The following SCIN variants were observed in gnomAD, a reference collection of about 807,000 sequenced individuals.
SCIN encodes the protein adseverin.
Under a neutral mutation model 91.8 loss-of-function variants are expected in SCIN, and 91 were observed. That is an observed-to-expected ratio of 0.99 (90% CI 0.84 to 1.18). The LOEUF (loss-of-function observed/expected upper bound fraction) is 1.18, where lower values mean the gene tolerates loss of function less well. Ranked by LOEUF, SCIN falls within the 50% of genes most tolerant of loss-of-function variation. The pLI is 0.00. For synonymous variants in SCIN, 367 were observed against 312.6 expected (o/e 1.17, Z -1.84); for missense variants, 1,087 against 863.9 (o/e 1.26, Z -3.24).
chr7:12,601,689 C>A (rs1267230198), intron 3 of SCIN, among the ~76,000 whole-genome samples: 1 of 152,154 alleles, frequency 6.6e-6, no homozygotes, highest in African/African-American at 2.4e-5. Context: ...ATACAGTAAA[C>A]ATTGAAGGCT....
At chr7:12,591,181 G>T (rs1204963338) in intron 3 of SCIN, among the ~76,000 whole-genome samples, 1 of 152,102 alleles carries the variant, frequency 6.6e-6, no homozygotes, top group African/African-American at 2.4e-5. Context: ...AAGAGGATAC[G>T]GGGAGTAAGG....
intron 2 of SCIN, among the ~76,000 whole-genome samples, chr7:12,579,872 C>T (rs1218401660): frequency 2.6e-5 from 4 of 152,144 alleles, no homozygotes; most frequent in Admixed American, 2.0e-4. Flanking sequence ...CGAGGTCATG[C>T]CATTGCTCTC....
intron 3 of SCIN, among the ~76,000 whole-genome samples, chr7:12,597,425 C>A (rs771721211): frequency 9.9e-5 from 15 of 152,162 alleles, no homozygotes; most frequent in Non-Finnish European, 1.5e-4. Flanking sequence ...AGAAAAGGAC[C>A]AAAGAGCAGC....
chr7:12,649,668 C>T (rs1372913139), intron 14 of SCIN, 124 bp downstream of exon 14: 3 of 447,400 alleles, frequency 6.7e-6, no homozygotes, highest in Non-Finnish European at 1.2e-5. Flanking sequence ...ATTTAAAAAA[C>T]ACACACACAC....
chr7:12,586,268 G>T lies in SCIN; in HGVS notation c.516+5047G>T, dbSNP rs189379669. Reference sequence around the variant, plus strand: ...TCTCAAGCTCCTATTTCCCCAGAAGGTTTAAAAATAATTTTGATTTATTGA... The same window carrying T: ...TCTCAAGCTCCTATTTCCCCAGAAGTTTTAAAAATAATTTTGATTTATTGA... On this transcript the variant is annotated intron_variant, in intron 3 of 15. Coordinates refer to ENST00000297029, the MANE Select transcript of SCIN (RefSeq NM_001112706.3). Among the ~76,000 whole-genome samples, 130 of 152,210 alleles carry T rather than the reference G, an allele frequency of 8.5e-4. 4 individuals are homozygous for T. Among genetic ancestry groups the T allele is most frequent in the Middle Eastern group, 3.4e-3 (1 of 294 alleles).
intron 1 of SCIN, among the ~76,000 whole-genome samples, chr7:12,576,446 TCTGATTCTTTCTTTAATACAA>T (rs1159164028): frequency 6.6e-6 from 1 of 151,538 alleles, no homozygotes; most frequent in African/African-American, 2.4e-5. Context: ...TGTAAGGAAA[TCTGATTCTTTCTTTAATACAA>T]CTGACTGATT....
chr7:12,581,872 A>G (rs1583275603), intron 3 of SCIN, among the ~76,000 whole-genome samples: 1 of 152,330 alleles, frequency 6.6e-6, no homozygotes, highest in Admixed American at 6.5e-5. Flanking sequence ...AGAAGGTAGA[A>G]TATAAGTTGT....
chr7:12,595,603 G>A lies in SCIN; in HGVS notation c.517-8911G>A, dbSNP rs554826202. ...GCAATGGTTGAGGGGAGAGGAGCAGGCACTAGGAAAGACAACTCTTAAGAT... is the reference window on the plus strand; with the variant it reads ...GCAATGGTTGAGGGGAGAGGAGCAGACACTAGGAAAGACAACTCTTAAGAT... On this transcript the variant is annotated intron_variant, in intron 3 of 15. Transcript: ENST00000297029. 149 of 151,394 alleles carry A rather than the reference G, an allele frequency of 9.8e-4. 1 individual carries two copies. The highest frequency in any genetic ancestry group is 1.8e-3 in the Admixed American group (27 of 15,256). 9.4% of individuals were successfully genotyped at this position (151,394 alleles called of 1,614,324 possible).
intron 13 of SCIN, among the ~76,000 whole-genome samples, chr7:12,648,035 A>G (rs181330723): frequency 2.9e-4 from 44 of 152,230 alleles, no homozygotes; most frequent in Non-Finnish European, 5.4e-4. Flanking sequence ...ACTCCTGCGT[A>G]AGGATCAGGG....
At chr7:12,581,912 T>C (rs189509783) in intron 3 of SCIN, among the ~76,000 whole-genome samples, 1 of 152,142 alleles carries the variant, frequency 6.6e-6, no homozygotes, top group South Asian at 2.1e-4. Flanking sequence ...GTTTTTATAA[T>C]AGAAATAAAG....
At chr7:12,583,160 A>C (rs1313394994) in intron 3 of SCIN, among the ~76,000 whole-genome samples, 1 of 152,204 alleles carries the variant, frequency 6.6e-6, no homozygotes, top group Non-Finnish European at 1.5e-5. Context: ...ATGTAAATAT[A>C]ATAATCTATT....
At chr7:12,601,260 G>A (rs772744964) in intron 3 of SCIN, among the ~76,000 whole-genome samples, 63 of 152,292 alleles carry the variant, frequency 4.1e-4, no homozygotes, top group Non-Finnish European at 7.4e-4. Context: ...GGTGCTTCCA[G>A]TACCTACAGG....
intron 9 of SCIN, among the ~76,000 whole-genome samples, chr7:12,634,916 G>A (rs112211202): frequency 3.2e-4 from 49 of 152,270 alleles, no homozygotes; most frequent in African/African-American, 1.1e-3. Context: ...GAAGGGTGCA[G>A]TGCCTCACCC....
chr7:12,585,667 T>C (rs905059730), intron 3 of SCIN, among the ~76,000 whole-genome samples: 10 of 152,208 alleles, frequency 6.6e-5, no homozygotes, highest in African/African-American at 2.4e-4. Context: ...CCAGGAGTCA[T>C]CCTGACTTCT....
chr7:12,618,156 G>A (rs1311917183), intron 4 of SCIN, among the ~76,000 whole-genome samples: 6 of 152,064 alleles, frequency 3.9e-5, no homozygotes, highest in African/African-American at 1.4e-4. Flanking sequence ...CTCAAGACAT[G>A]AGTGACTATT....
chr7:12,650,881 C>T (rs1252319163), intron 14 of SCIN, among the ~76,000 whole-genome samples: 3 of 152,012 alleles, frequency 2.0e-5, no homozygotes, highest in Non-Finnish European at 4.4e-5. Flanking sequence ...CTGGGATCAC[C>T]CACAGACAAG....
intron 13 of SCIN, among the ~76,000 whole-genome samples, chr7:12,648,674 AG>A (rs1380223204): frequency 1.3e-4 from 20 of 152,322 alleles, no homozygotes; most frequent in South Asian, 6.2e-4. Flanking sequence ...AAATGTTTTT[AG>A]GAACTAGATA....
intron 10 of SCIN, among the ~76,000 whole-genome samples, chr7:12,638,276 ATCTC>A (rs1388628720): frequency 3.3e-5 from 5 of 152,064 alleles, no homozygotes; most frequent in Non-Finnish European, 5.9e-5. Flanking sequence ...AGCTGGAACT[ATCTC>A]TCTCCCTCTC....
At chr7:12,588,543 C>T (rs1782639086) in intron 3 of SCIN, among the ~76,000 whole-genome samples, 1 of 151,968 alleles carries the variant, frequency 6.6e-6, no homozygotes, top group Non-Finnish European at 1.5e-5. Flanking sequence ...GGAGGCAGCC[C>T]TGAGCTTACA....
Sources: allele counts gnomAD v4.1 joint callset (sites outside exome capture counted in the v4.1 genomes callset), GRCh38; gene constraint gnomAD v4.1.1; transcripts MANE v1.5; gene names NCBI Gene and HGNC (gene_info 2026-07-23, HGNC 2026-07-21).